Variants in ZNF345 observed in about 807,000 individuals in gnomAD.
The protein encoded by ZNF345 is zinc finger protein HZF10.
For missense variants in ZNF345, 527 were observed against 589.9 expected (o/e 0.89, Z 1.10); for synonymous variants, 166 against 187.9 (o/e 0.88, Z 0.95).
intron 2 of ZNF345, among the ~76,000 whole-genome samples, chr19:36,863,171 G>A (rs576953603): frequency 5.3e-5 from 8 of 152,184 alleles, no homozygotes; most frequent in Non-Finnish European, 1.0e-4. Flanking sequence ...TTCCTCCTGG[G>A]TCATACTATA....
At chr19:36,862,232 T>C (rs904082869) in intron 2 of ZNF345, among the ~76,000 whole-genome samples, 25 of 152,190 alleles carry the variant, frequency 1.6e-4, no homozygotes, top group African/African-American at 5.8e-4. Flanking sequence ...GATTTGGTTT[T>C]TTCCCCCATT....
rs1035301092 is a variant in ZNF345 at position 36,879,473 on chromosome 19, T to C, written c.*1176T>C. 1 of 167,060 alleles carries C rather than the reference T, an allele frequency of 6.0e-6. No homozygotes were observed. The highest frequency in any genetic ancestry group is 2.4e-5 in the African/African-American group (1 of 41,470). The allele number at this position is 167,060 out of a possible 1,614,324, so 10.3% of individuals were successfully genotyped here. A position where few individuals can be genotyped will look rare whatever the true frequency, so the allele number is the denominator to read the frequency against. ...TAACCAGCCCTTAATATTTTTTGTCTGTAAATATGTTGTTACCATTTTATT... is the reference window on the plus strand; with the variant it reads ...TAACCAGCCCTTAATATTTTTTGTCCGTAAATATGTTGTTACCATTTTATT... On this transcript the variant is annotated 3_prime_UTR_variant, in exon 3 of 3. Transcript: ENST00000420450.
At chr19:36,892,291 T>A (rs758180382) in intron 3 of ZNF345, 3 of 1,613,790 alleles carry the variant, frequency 1.9e-6, no homozygotes, top group Non-Finnish European at 2.5e-6. Context: ...TTGTGAGTTT[T>A]GATTAAAGGT....
chr19:36,850,975 G>A lies in ZNF345; in HGVS notation c.-122+7G>A, dbSNP rs2146105030. The A allele has an allele frequency of 6.5e-6, 1 of 153,264 alleles. No homozygotes were observed. The highest frequency in any genetic ancestry group is 1.5e-5 in the Non-Finnish European group (1 of 68,662). 9.5% of individuals were successfully genotyped at this position (153,264 alleles called of 1,614,324 possible). On this transcript the variant is annotated splice_region_variant and intron_variant, in intron 1 of 2. Transcript: ENST00000420450. ...TGACCCTATCCGAACAGGCGTAAGT[G>A]AGGCGGCTCGGAGCCTGGCGCGACA...
At chr19:36,856,018 A>C (rs1318651762) in intron 2 of ZNF345, among the ~76,000 whole-genome samples, 2 of 152,210 alleles carry the variant, frequency 1.3e-5, no homozygotes, top group Admixed American at 1.3e-4. Context: ...TTAACCTGTG[A>C]AGAAGAGATA....
chr19:36,854,434 C>G (rs549584066), intron 2 of ZNF345: 1 of 152,138 alleles, frequency 6.6e-6, no homozygotes, highest in East Asian at 1.9e-4. Flanking sequence ...TTAAATGCAC[C>G]TTATTCTTTC....
downstream of ZNF345, among the ~76,000 whole-genome samples, chr19:36,882,524 C>T (rs1289453769): frequency 6.6e-6 from 1 of 152,186 alleles, no homozygotes; most frequent in Non-Finnish European, 1.5e-5. Flanking sequence ...GCCTCGGCCT[C>T]CCAAAGTGCT....
chr19:36,886,416 GA>G (rs981258946), intron 3 of ZNF345, among the ~76,000 whole-genome samples: 12 of 152,184 alleles, frequency 7.9e-5, no homozygotes, highest in African/African-American at 2.9e-4. Flanking sequence ...TATCTATGAG[GA>G]AAATGGCACT....
Position 36,876,961 on chromosome 19 carries a change from A to G in ZNF345, c.131A>G (p.Asp44Gly). The G allele has an allele frequency of 6.2e-7, 1 of 1,614,202 alleles. No homozygotes were observed. Among genetic ancestry groups the G allele is most frequent in the East Asian group, 2.2e-5 (1 of 44,882 alleles). Residue 44 changes from aspartate to glycine, a missense_variant, in exon 3 of 3, where the codon GAC (aspartate) becomes GGC (glycine). Physicochemically the swap from Asp to Gly is moderately conservative, Grantham distance 94. Transcript: ENST00000420450. ...HFSEMIFTPE[D>G]MPTFSIQHQR... ...AGTGAAATGATATTTACTCCTGAAG[A>G]CATGCCCACTTTCAGTATCCAGCAT...
At chr19:36,856,483 C>G (rs1478256765) in intron 2 of ZNF345, among the ~76,000 whole-genome samples, 1 of 151,924 alleles carries the variant, frequency 6.6e-6, no homozygotes, top group Non-Finnish European at 1.5e-5. Context: ...TGATTTATGT[C>G]TCTGTGCTTC....
At chr19:36,851,083 T>G (rs779476699) in intron 1 of ZNF345, 115 bp downstream of exon 1, 1 of 152,660 alleles carries the variant, frequency 6.6e-6, no homozygotes, top group East Asian at 1.9e-4. Context: ...ACTGGGGGCG[T>G]GTGTCTGTGC....
chr19:36,877,411 G>C lies in ZNF345; in HGVS notation c.581G>C (p.Arg194Thr). ...GAATCAGCCCTTATTCGGCATCACAGAATTCACACAGGTGAGAAACCTTAT... is the reference window on the plus strand; with the variant it reads ...GAATCAGCCCTTATTCGGCATCACACAATTCACACAGGTGAGAAACCTTAT... ...SFESALIRHHRIHTGEKPYEC... is the reference protein window; with the variant it reads ...SFESALIRHHTIHTGEKPYEC... Residue 194 changes from arginine to threonine, a missense_variant, in exon 3 of 3, where the codon AGA (arginine) becomes ACA (threonine). Coordinates refer to ENST00000420450, the MANE Select transcript of ZNF345 (RefSeq NM_001242472.2). The C allele has an allele frequency of 6.2e-7, 1 of 1,614,158 alleles. No homozygotes were observed. Among genetic ancestry groups the C allele is most frequent in the East Asian group, 2.2e-5 (1 of 44,882 alleles).
chr19:36,883,081 C>A (rs2072977938), downstream of ZNF345, among the ~76,000 whole-genome samples: 1 of 152,148 alleles, frequency 6.6e-6, no homozygotes, highest in Non-Finnish European at 1.5e-5. Flanking sequence ...TGCACTAGGT[C>A]TGTTGTGTCA....
chr19:36,870,572 A>G (rs375311063), intron 2 of ZNF345, among the ~76,000 whole-genome samples: 18 of 152,314 alleles, frequency 1.2e-4, no homozygotes, highest in Admixed American at 9.2e-4. Context: ...GAGTTCTGGT[A>G]TATTTTTCAA....
At chr19:36,872,321 T>G (rs998827472) in intron 2 of ZNF345, among the ~76,000 whole-genome samples, 2 of 152,198 alleles carry the variant, frequency 1.3e-5, no homozygotes, top group African/African-American at 4.8e-5. Context: ...CCTCCGAATC[T>G]TATGTTGAAA....
At chr19:36,852,605 C>CA (rs758224332) in intron 2 of ZNF345, among the ~76,000 whole-genome samples, 3,749 of 85,218 alleles carry the variant, frequency 0.044, 141 homozygotes, top group African/African-American at 0.11. Flanking sequence ...GACTCCATCT[C>CA]AAAAAAAAAA....
chr19:36,860,348 A>G (rs2072522087), intron 2 of ZNF345, among the ~76,000 whole-genome samples: 1 of 152,240 alleles, frequency 6.6e-6, no homozygotes, highest in African/African-American at 2.4e-5. Flanking sequence ...TAACATTTAT[A>G]TGATACTCTA....
chr19:36,885,612 G>A (rs1323892048), intron 3 of ZNF345, among the ~76,000 whole-genome samples: 2 of 151,834 alleles, frequency 1.3e-5, no homozygotes, highest in Non-Finnish European at 2.9e-5. Flanking sequence ...ACTTATGAAG[G>A]TATTCTCTTT....
At chr19:36,864,882 A>G (rs2072626547) in intron 2 of ZNF345, among the ~76,000 whole-genome samples, 4 of 152,120 alleles carry the variant, frequency 2.6e-5, no homozygotes, top group Admixed American at 2.0e-4. Flanking sequence ...TGCCTTAGCC[A>G]TGTCCTGTTC....
Sources: allele counts gnomAD v4.1 joint callset (sites outside exome capture counted in the v4.1 genomes callset), GRCh38; gene constraint gnomAD v4.1.1; transcripts MANE v1.5; gene names NCBI Gene and HGNC (gene_info 2026-07-23, HGNC 2026-07-21).